SOX5: variants seen among roughly 807,000 people sequenced by gnomAD.
The protein encoded by SOX5 is SRY-box transcription factor 5.
In SOX5, 9 loss-of-function variants were observed where a neutral mutation model predicts 92.0. The observed-to-expected ratio is 0.10, with a 90% CI of 0.06 to 0.17. The LOEUF (loss-of-function observed/expected upper bound fraction) is 0.17. Ranked by LOEUF, SOX5 falls within the 10% of genes least tolerant of loss-of-function variation. The probability of loss-of-function intolerance (pLI) is 1.00; values close to 1 mark genes in which losing one functional copy is unlikely to be tolerated. For missense variants in SOX5, 642 were observed against 944.5 expected (o/e 0.68, Z 4.20); for synonymous variants, 344 against 336.3 (o/e 1.02, Z -0.25).
At position 23,679,400 on chromosome 12, in the gene SOX5, C is replaced by A. The variant is rs77432816; in HGVS notation, c.811-13836G>T. Among the ~76,000 whole-genome samples the A allele has an allele frequency of 1.8e-3, 278 of 152,196 alleles. 2 individuals are homozygous for A. The highest frequency in any genetic ancestry group is 5.7e-3 in the African/African-American group (238 of 41,526). ...AATACCACTGACGCTGCTGCTGCTG[C>A]TGATGATGATGATTCTTTGACAAAT... On this transcript the variant is annotated intron_variant, in intron 6 of 14. Transcript: ENST00000451604.
At chr12:23,637,268 G>A (rs539754349) in intron 8 of SOX5, among the ~76,000 whole-genome samples, 1 of 152,272 alleles carries the variant, frequency 6.6e-6, no homozygotes, top group East Asian at 1.9e-4. Context: ...TCTTACTGCT[G>A]CCTTATCGAG....
At chr12:23,871,883 T>C (rs1568504850) in intron 2 of SOX5, among the ~76,000 whole-genome samples, 3 of 152,126 alleles carry the variant, frequency 2.0e-5, no homozygotes, top group Non-Finnish European at 2.9e-5. Flanking sequence ...TCTATAACAA[T>C]AGAGTTTCTC....
At chr12:23,736,718 T>A (rs1245520841) in intron 5 of SOX5, among the ~76,000 whole-genome samples, 1 of 151,364 alleles carries the variant, frequency 6.6e-6, no homozygotes, top group Non-Finnish European at 1.5e-5. Context: ...AGACAGAGTT[T>A]TGCTCTTTGT....
intron 1 of SOX5, among the ~76,000 whole-genome samples, chr12:24,497,626 T>C (rs1035453686): frequency 3.9e-5 from 6 of 152,238 alleles, no homozygotes; most frequent in Admixed American, 3.9e-4. Flanking sequence ...TCAACCATTG[T>C]GGAAGACAGT....
At chr12:24,138,101 C>T (rs1211587410) in intron 4 of SOX5, among the ~76,000 whole-genome samples, 15 of 152,182 alleles carry the variant, frequency 9.9e-5, no homozygotes, top group Admixed American at 8.5e-4. Context: ...ACAAATAGGT[C>T]GAGCTCTGCT....
intron 3 of SOX5, among the ~76,000 whole-genome samples, chr12:23,796,022 G>A (rs1469798156): frequency 1.3e-5 from 2 of 152,110 alleles, no homozygotes; most frequent in African/African-American, 2.4e-5. Flanking sequence ...CTGTCATTCA[G>A]CCACATAAAG....
chr12:23,976,737 A>T (rs1237413562), intron 4 of SOX5, among the ~76,000 whole-genome samples: 1 of 152,150 alleles, frequency 6.6e-6, no homozygotes, highest in African/African-American at 2.4e-5. Context: ...TGTAAGGAAG[A>T]ACATCAGTCC....
chr12:24,331,658 G>A (rs546057861), intron 2 of SOX5, among the ~76,000 whole-genome samples: 1 of 151,810 alleles, frequency 6.6e-6, no homozygotes, highest in South Asian at 2.1e-4. Flanking sequence ...GACCATCCTG[G>A]CCAACATCAT....
At chr12:24,264,842 G>A (rs1485213321) in intron 3 of SOX5, among the ~76,000 whole-genome samples, 3 of 152,154 alleles carry the variant, frequency 2.0e-5, no homozygotes, top group Non-Finnish European at 2.9e-5. Context: ...TTACAATAAC[G>A]GATGATGTCT....
intron 4 of SOX5, among the ~76,000 whole-genome samples, chr12:24,104,720 A>C (rs901409726): frequency 1.3e-5 from 2 of 152,230 alleles, no homozygotes; most frequent in African/African-American, 4.8e-5. Flanking sequence ...CCCTTTTCAG[A>C]AATGTCTCTG....
At chr12:24,091,247 A>G (rs1222534546) in intron 4 of SOX5, among the ~76,000 whole-genome samples, 1 of 152,130 alleles carries the variant, frequency 6.6e-6, no homozygotes, top group Non-Finnish European at 1.5e-5. Context: ...CAATAAAGGG[A>G]ATAGAGGATG....
At chr12:23,954,695 A>C (rs1946071592), upstream of SOX5, among the ~76,000 whole-genome samples, 1 of 152,086 alleles carries the variant, frequency 6.6e-6, no homozygotes, top group African/African-American at 2.4e-5. Flanking sequence ...GAACTGGTAC[A>C]CAATAGCCTA....
intron 2 of SOX5, among the ~76,000 whole-genome samples, chr12:24,346,579 A>C (rs185955766): frequency 6.6e-6 from 1 of 151,604 alleles, no homozygotes; most frequent in African/African-American, 2.4e-5. Context: ...AGCCTCCCCA[A>C]GTAGCTGGGA....
rs115667130 is a variant in SOX5, at chr12:24,440,238, T to C, written c.-250-71599A>G. ...CACACCAGTTCTTGGACACTGGCAA[T>C]GCCACAGACGCTGACTGAGGAACCC... On this transcript the variant is annotated intron_variant, in intron 1 of 4. Coordinates refer to the SOX5 transcript ENST00000446891. 1.1e-3 allele frequency among the ~76,000 whole-genome samples: 160 copies of C among 152,278 alleles called. 1 individual carries two copies. Among genetic ancestry groups the C allele is most frequent in the Middle Eastern group, 0.01 (3 of 294 alleles).
chr12:24,021,629 G>C (rs2136688057), intron 4 of SOX5, among the ~76,000 whole-genome samples: 1 of 152,174 alleles, frequency 6.6e-6, no homozygotes, highest in East Asian at 1.9e-4. Context: ...TTTAATATAA[G>C]AATTCCAAGA....
chr12:24,098,549 T>A (rs2137922047), intron 4 of SOX5, among the ~76,000 whole-genome samples: 1 of 152,252 alleles, frequency 6.6e-6, no homozygotes, highest in Non-Finnish European at 1.5e-5. Flanking sequence ...TCCAATGCAT[T>A]TACAAATATG....
At chr12:23,648,889 T>C in intron 7 of SOX5, among the ~76,000 whole-genome samples, 1 of 152,270 alleles carries the variant, frequency 6.6e-6, no homozygotes, top group Non-Finnish European at 1.5e-5. Flanking sequence ...TTATTATATA[T>C]CTTTAATCAT....
At chr12:24,148,227 C>T (rs1056313882) in intron 4 of SOX5, among the ~76,000 whole-genome samples, 5 of 150,872 alleles carry the variant, frequency 3.3e-5, no homozygotes, top group Admixed American at 6.6e-5. Flanking sequence ...CCAGGCATGG[C>T]GGCTCACGCC....
intron 4 of SOX5, among the ~76,000 whole-genome samples, chr12:23,968,609 C>T (rs1226545428): frequency 6.6e-6 from 1 of 152,222 alleles, no homozygotes; most frequent in Non-Finnish European, 1.5e-5. Flanking sequence ...ATGCTGGCCC[C>T]TCAATCTTGG....
Sources: allele counts gnomAD v4.1 joint callset (sites outside exome capture counted in the v4.1 genomes callset), GRCh38; gene constraint gnomAD v4.1.1; transcripts MANE v1.5; gene names NCBI Gene and HGNC (gene_info 2026-07-23, HGNC 2026-07-21).